EFCAB5: variants seen among roughly 807,000 people sequenced by gnomAD.
The protein encoded by EFCAB5 is EF-hand calcium-binding domain-containing protein 5.
A neutral mutation model predicts 167.9 loss-of-function variants in EFCAB5; 131 were observed. The observed-to-expected ratio is 0.78, with a 90% confidence interval of 0.68 to 0.90. The LOEUF is 0.90. Among genes scored for constraint, EFCAB5 ranks in the 40% least tolerant of loss-of-function variants. EFCAB5 has a pLI of 0.00. For synonymous variants in EFCAB5, 574 were observed against 602.8 expected (o/e 0.95, Z 0.70); for missense variants, 1,663 against 1,745.2 (o/e 0.95, Z 0.84).
At chr17:29,966,525 A>T (rs760679644) in intron 3 of EFCAB5, among the ~76,000 whole-genome samples, 14 of 152,200 alleles carry the variant, frequency 9.2e-5, no homozygotes, top group Non-Finnish European at 1.6e-4. Flanking sequence ...CTGTAGTCCC[A>T]GCTACTTGGG....
intron 19 of EFCAB5, among the ~76,000 whole-genome samples, chr17:30,090,140 C>T (rs1319860394): frequency 4.6e-5 from 7 of 152,150 alleles, no homozygotes; most frequent in East Asian, 3.8e-4. Flanking sequence ...GCCAAGACAA[C>T]GAAGCAAAGT....
intron 7 of EFCAB5, among the ~76,000 whole-genome samples, chr17:30,021,136 ATT>A (rs539917047): frequency 6.9e-6 from 1 of 145,874 alleles, no homozygotes. Flanking sequence ...ATAGGAAATA[ATT>A]TTTTTTTTTT....
intron 4 of EFCAB5, among the ~76,000 whole-genome samples, chr17:29,985,064 G>A (rs147780189): frequency 9.9e-5 from 15 of 152,240 alleles, no homozygotes; most frequent in Admixed American, 5.2e-4. Context: ...TGAAACCAGC[G>A]ACTATTTTTA....
At chr17:30,037,947 G>A (rs1236188110) in intron 8 of EFCAB5, among the ~76,000 whole-genome samples, 1 of 152,100 alleles carries the variant, frequency 6.6e-6, no homozygotes, top group Non-Finnish European at 1.5e-5. Flanking sequence ...TATTAATTGT[G>A]TGCAAGTGAA....
chr17:29,949,980 A>G (rs1461886043), intron 3 of EFCAB5, among the ~76,000 whole-genome samples: 4 of 152,204 alleles, frequency 2.6e-5, no homozygotes, highest in Admixed American at 1.3e-4. Flanking sequence ...TTAAGTTGCC[A>G]TATATCCTTA....
intron 7 of EFCAB5, among the ~76,000 whole-genome samples, chr17:30,025,245 G>A (rs1229203962): frequency 6.6e-6 from 1 of 150,472 alleles, no homozygotes; most frequent in East Asian, 1.9e-4. Flanking sequence ...TACAAAATGG[G>A]AGAAAATTTT....
chr17:30,053,799 A>G lies in EFCAB5; in HGVS notation c.1845A>G (p.Glu615=), dbSNP rs1039601433. 3 of 1,613,996 alleles carry G rather than the reference A, an allele frequency of 1.9e-6. No homozygotes were observed. The change falls in exon 10 of 23, where the codon GAA becomes GAG. Residue 615 remains glutamate, a synonymous_variant. Coordinates refer to ENST00000394835, the MANE Select transcript of EFCAB5 (RefSeq NM_198529.4). ...EQGSRRESIA[E]QDRHKGSVAE... ...GGTCACGCAGAGAGTCTATTGCAGA[A>G]CAAGATCGACACAAAGGGTCAGTAG...
intron 22 of EFCAB5, among the ~76,000 whole-genome samples, chr17:30,100,075 T>C (rs914848582): frequency 1.3e-5 from 2 of 152,180 alleles, no homozygotes; most frequent in Admixed American, 1.3e-4. Flanking sequence ...TTCTGGGATA[T>C]ACAGAAGGTT....
chr17:29,990,437 C>T (rs138873586), intron 4 of EFCAB5, among the ~76,000 whole-genome samples: 1 of 152,200 alleles, frequency 6.6e-6, no homozygotes, highest in Non-Finnish European at 1.5e-5. Flanking sequence ...GCTATATGCT[C>T]TCCTGGCTCT....
intron 22 of EFCAB5, among the ~76,000 whole-genome samples, chr17:30,103,617 A>G (rs1290352214): frequency 2.0e-5 from 3 of 152,238 alleles, no homozygotes; most frequent in Non-Finnish European, 1.5e-5. Context: ...GGGAGGCAGT[A>G]CACTACAGTG....
chr17:30,057,946 C>G lies in EFCAB5; in HGVS notation c.2580+56C>G, dbSNP rs565661090. 2.3e-5 allele frequency: 35 copies of G among 1,500,280 alleles called. No homozygotes were observed. The African/African-American group carries it at 4.0e-4, about 17-fold the overall frequency. 92.9% of individuals were successfully genotyped at this position (1,500,280 alleles called of 1,614,324 possible). ...TGAGGTCACTATTATAAGTAAATCT[C>G]TCAACCTCAGTTGCTCCCGATGTGG... On this transcript the variant is annotated intron_variant, in intron 13 of 22. Coordinates refer to ENST00000394835, the MANE Select transcript of EFCAB5 (RefSeq NM_198529.4).
chr17:30,052,312 C>A (rs1020985657), intron 9 of EFCAB5, among the ~76,000 whole-genome samples: 5 of 152,010 alleles, frequency 3.3e-5, no homozygotes, highest in Admixed American at 3.3e-4. Context: ...ATTACAGGCG[C>A]CTGCCACCAC....
chr17:30,107,819 T>A lies in EFCAB5; in HGVS notation c.4322-15T>A. ...AACTCTCCACTCTTACTTTTCTTTT[T>A]TTTTCCTGATGCAGATCATTCCCGA... On this transcript the variant is annotated splice_polypyrimidine_tract_variant and intron_variant, in intron 22 of 22. Transcript: ENST00000394835. 1 of 1,501,496 alleles carries A rather than the reference T, an allele frequency of 6.7e-7. No homozygotes were observed. Among genetic ancestry groups the A allele is most frequent in the Non-Finnish European group, 8.8e-7 (1 of 1,131,786 alleles). 93.0% of individuals were successfully genotyped at this position (1,501,496 alleles called of 1,614,324 possible). A position where few individuals can be genotyped will look rare whatever the true frequency, so the allele number is the denominator to read the frequency against.
chr17:29,952,428 A>G (rs1440334589), intron 3 of EFCAB5, among the ~76,000 whole-genome samples: 1 of 152,228 alleles, frequency 6.6e-6, no homozygotes, highest in Non-Finnish European at 1.5e-5. Flanking sequence ...TCACATGTGG[A>G]CACAAAGAGA....
At position 30,078,262 on chromosome 17, in the gene EFCAB5, A is replaced by T. The variant is rs1567763133; in HGVS notation, c.2785A>T (p.Arg929Ter). The T allele has an allele frequency of 6.2e-7, 1 of 1,613,890 alleles. No individual in the cohort carries two copies. The highest frequency in any genetic ancestry group is 1.1e-5 in the South Asian group (1 of 91,074). Residue 929 changes from arginine to a stop codon, truncating the protein, a stop_gained, in exon 15 of 23, where the codon AGA (arginine) becomes TGA (stop). Coordinates refer to ENST00000394835, the MANE Select transcript of EFCAB5 (RefSeq NM_198529.4). LOFTEE classifies it high-confidence loss of function. ...AAAGCCACACCCTGGTCACGAAGTG[A>T]GATTGTCTTCAAAACAATTTCAGAA... is the stretch of plus-strand genomic sequence containing the variant. ...FPKPHPGHEVRLSSKQFQNYI... is the reference protein window; with the variant it reads ...FPKPHPGHEV
At chr17:29,972,349 C>G (rs1438436321) in intron 4 of EFCAB5, among the ~76,000 whole-genome samples, 2 of 151,898 alleles carry the variant, frequency 1.3e-5, no homozygotes, top group Non-Finnish European at 2.9e-5. Flanking sequence ...GCGCCCGGCC[C>G]AGGCATTTTT....
At chr17:30,083,068 A>T (rs764835064) in intron 18 of EFCAB5, 25 bp downstream of exon 18, 1 of 1,610,356 alleles carries the variant, frequency 6.2e-7, no homozygotes, top group Admixed American at 1.7e-5. Flanking sequence ...GTAGTGGTAG[A>T]TCTCTCCAAG....
intron 8 of EFCAB5, among the ~76,000 whole-genome samples, chr17:30,047,723 G>A (rs373069921): frequency 1.3e-5 from 2 of 152,108 alleles, no homozygotes; most frequent in African/African-American, 4.8e-5. Context: ...GAATTAAATG[G>A]ATATAATGCC....
At chr17:29,943,407 T>C (rs1050971007) in intron 2 of EFCAB5, among the ~76,000 whole-genome samples, 158 bp from the exon 3 acceptor site, 3 of 152,236 alleles carry the variant, frequency 2.0e-5, no homozygotes, top group Non-Finnish European at 4.4e-5. Context: ...ATTACCTCTT[T>C]GCTTCTAATA....
Sources: allele counts gnomAD v4.1 joint callset (sites outside exome capture counted in the v4.1 genomes callset), GRCh38; gene constraint gnomAD v4.1.1; transcripts MANE v1.5; gene names NCBI Gene and HGNC (gene_info 2026-07-23, HGNC 2026-07-21).